Variants in C11orf65 observed in about 807,000 individuals in gnomAD.
The protein encoded by C11orf65 is chromosome 11 open reading frame 65.
A neutral mutation model predicts 35.3 loss-of-function variants in C11orf65; 38 were observed. That is an observed-to-expected ratio of 1.08 (90% CI 0.83 to 1.41). The LOEUF (loss-of-function observed/expected upper bound fraction) is 1.41, where lower values mean the gene tolerates loss of function less well. Ranked by LOEUF, C11orf65 falls within the 40% of genes most tolerant of loss-of-function variation. C11orf65 has a pLI of 0.00. For synonymous variants in C11orf65, 105 were observed against 114.4 expected (o/e 0.92, Z 0.53); for missense variants, 370 against 367.1 (o/e 1.01, Z -0.06).
chr11:108,429,564 A>T lies in C11orf65; in HGVS notation c.174+2182T>A, dbSNP rs958132546. Among the ~76,000 whole-genome samples the T allele has an allele frequency of 3.3e-5, 5 of 152,238 alleles. 1 individual carries two copies. The highest frequency in any genetic ancestry group is 3.3e-4 in the Admixed American group (5 of 15,280). On this transcript the variant is annotated intron_variant, in intron 3 of 8. Coordinates refer to ENST00000393084, the MANE Select transcript of C11orf65 (RefSeq NM_152587.5). The stretch of plus-strand genomic sequence containing the variant: ...GGTGAGAGTACAAAATGGTACAGCC[A>T]CTGTGGAAAACAGTATGGTTGTTCC...
chr11:108,309,290 C>T (rs1304212023), intron 6 of C11orf65, among the ~76,000 whole-genome samples: 2 of 152,180 alleles, frequency 1.3e-5, no homozygotes, highest in African/African-American at 4.8e-5. Flanking sequence ...TCTTCCTTTC[C>T]ATGGGGAAAT....
At position 108,317,470 on chromosome 11, in the gene C11orf65, A is replaced by G. The variant is rs587782802; in HGVS notation, c.641-8399T>C. The stretch of plus-strand genomic sequence containing the variant: ...TGGTGTCCTGAACTAGAAGAACTTC[A>G]TTACCAAGCAGCATGGAGGAATATG... On this transcript the variant is annotated intron_variant, in intron 6 of 6. Coordinates refer to the C11orf65 transcript ENST00000525729. The G allele has an allele frequency of 6.2e-7, 1 of 1,612,234 alleles. No individual in the cohort carries two copies. Among genetic ancestry groups the G allele is most frequent in the Admixed American group, 1.7e-5 (1 of 59,878 alleles).
At chr11:108,327,870 A>G, downstream of C11orf65, 1 of 885,522 alleles carries the variant, frequency 1.1e-6, no homozygotes, top group Non-Finnish European at 1.8e-6. Flanking sequence ...TTATTTTTCT[A>G]TATATTATTA....
At chr11:108,449,413 G>A (rs918182159) in intron 2 of C11orf65, among the ~76,000 whole-genome samples, 6 of 151,922 alleles carry the variant, frequency 3.9e-5, no homozygotes, top group Non-Finnish European at 7.3e-5. Context: ...AACCAAAACA[G>A]CATGGTACTG....
At chr11:108,332,023 T>G in intron 3 of C11orf65, 1 of 1,613,804 alleles carries the variant, frequency 6.2e-7, no homozygotes, top group South Asian at 1.1e-5. Flanking sequence ...TAAACAAAGC[T>G]CTCAGCTTGA....
intron 2 of C11orf65, chr11:108,335,778 C>A: frequency 7.6e-7 from 1 of 1,313,218 alleles, no homozygotes; most frequent in East Asian, 2.4e-5. Context: ...TTGCTATTCT[C>A]AGATGACTCT....
chr11:108,315,361 G>C (rs949893213), intron 6 of C11orf65, among the ~76,000 whole-genome samples: 1 of 152,104 alleles, frequency 6.6e-6, no homozygotes, highest in African/African-American at 2.4e-5. Flanking sequence ...TGTGTACAGT[G>C]TGTGTGTGTA....
chr11:108,375,614 G>C (rs1044065182), intron 2 of C11orf65, among the ~76,000 whole-genome samples: 1 of 152,006 alleles, frequency 6.6e-6, no homozygotes, highest in Non-Finnish European at 1.5e-5. Context: ...CATAATGACA[G>C]GATCAAATTC....
chr11:108,410,681 G>A (rs2092637784), intron 3 of C11orf65, among the ~76,000 whole-genome samples: 1 of 149,128 alleles, frequency 6.7e-6, no homozygotes, highest in Non-Finnish European at 1.5e-5. Context: ...ATTGATTTCT[G>A]ATTTTATCTT....
intron 2 of C11orf65, among the ~76,000 whole-genome samples, 196 bp from the exon 3 acceptor site, chr11:108,432,034 G>C (rs1015566503): frequency 1.3e-5 from 2 of 152,236 alleles, no homozygotes; most frequent in Middle Eastern, 3.4e-3. Context: ...CTCACAAAGA[G>C]ATTTATTCTT....
chr11:108,361,301 T>C (rs1237765812), intron 2 of C11orf65, among the ~76,000 whole-genome samples: 1 of 133,822 alleles, frequency 7.5e-6, no homozygotes, highest in East Asian at 2.2e-4. Context: ...TAAAAGAGGA[T>C]ACAAACAAAT....
intron 2 of C11orf65, among the ~76,000 whole-genome samples, chr11:108,359,658 A>C (rs2090467861): frequency 6.6e-6 from 1 of 152,228 alleles, no homozygotes; most frequent in Admixed American, 6.5e-5. Flanking sequence ...AAAACCGCTC[A>C]ACTACATGGA....
chr11:108,350,284 T>C (rs1293296768), intron 2 of C11orf65, among the ~76,000 whole-genome samples: 2 of 152,128 alleles, frequency 1.3e-5, no homozygotes, highest in Non-Finnish European at 2.9e-5. Flanking sequence ...ACAAGGAGAT[T>C]TGAAGCACTG....
intron 6 of C11orf65, among the ~76,000 whole-genome samples, chr11:108,314,410 TAC>T (rs1251177046): frequency 6.6e-6 from 1 of 152,076 alleles, no homozygotes; most frequent in African/African-American, 2.4e-5. Context: ...CCAGCCCATG[TAC>T]AGTTTTAGGT....
At position 108,371,950 on chromosome 11, in the gene C11orf65, A is replaced by G. The variant is rs926164355; in HGVS notation, c.226+21258T>C. On this transcript the variant is annotated intron_variant, in intron 2 of 3. Coordinates refer to the C11orf65 transcript ENST00000524755. The stretch of plus-strand genomic sequence containing the variant: ...ATAATGGGTGTGGGTGACTCTTACA[A>G]GTAGAAGCATTGTATATTTTACACA... Among the ~76,000 whole-genome samples the G allele has an allele frequency of 2.6e-5, 4 of 152,184 alleles. No homozygotes were observed. The South Asian group carries it at 8.3e-4, about 31-fold the overall frequency.
At chr11:108,427,677 G>C (rs1197740067) in intron 3 of C11orf65, among the ~76,000 whole-genome samples, 1 of 106,012 alleles carries the variant, frequency 9.4e-6, no homozygotes, top group Non-Finnish European at 1.7e-5. Context: ...AGTTGAGATC[G>C]CGCCACTGCA....
At chr11:108,439,614 T>C (rs1028253734) in intron 2 of C11orf65, among the ~76,000 whole-genome samples, 6 of 152,238 alleles carry the variant, frequency 3.9e-5, no homozygotes, top group Non-Finnish European at 8.8e-5. Flanking sequence ...ATGTAGCATA[T>C]AGATATATAA....
At chr11:108,421,304 G>C (rs1380550649) in intron 3 of C11orf65, among the ~76,000 whole-genome samples, 1 of 152,120 alleles carries the variant, frequency 6.6e-6, no homozygotes, top group Non-Finnish European at 1.5e-5. Flanking sequence ...GGCATGGAGA[G>C]GTGTGAAATA....
chr11:108,355,948 A>G (rs998083675), intron 2 of C11orf65: 4 of 152,212 alleles, frequency 2.6e-5, no homozygotes, highest in African/African-American at 9.6e-5. Context: ...GGTAATACAG[A>G]TTTTGCTACA....
Sources: allele counts gnomAD v4.1 joint callset (sites outside exome capture counted in the v4.1 genomes callset), GRCh38; gene constraint gnomAD v4.1.1; transcripts MANE v1.5; gene names NCBI Gene and HGNC (gene_info 2026-07-23, HGNC 2026-07-21).